Variants in ZNF469 observed in about 807,000 individuals in gnomAD.
ZNF469 encodes zinc finger protein 469.
A neutral mutation model predicts 1.0 loss-of-function variants in ZNF469; 1 was observed. The observed-to-expected ratio is 1.00, with a 90% confidence interval of 0.35 to 4.73. ZNF469 has a LOEUF of 4.73. Ranked by LOEUF, ZNF469 falls within the 30% of genes most tolerant of loss-of-function variation. The pLI is 0.16. For synonymous variants in ZNF469, 2,703 were observed against 2,363.4 expected (o/e 1.14, Z -4.17); for missense variants, 6,100 against 5,356.3 (o/e 1.14, Z -4.33).
At chr16:88,133,176 A>T in the ZNF469 span, among the ~76,000 whole-genome samples, 2 of 152,246 alleles carry the variant, frequency 1.3e-5, no homozygotes, top group African/African-American at 4.8e-5. Context: ...TCACTCGGGA[A>T]GGCGGGCACT....
the ZNF469 span, among the ~76,000 whole-genome samples, chr16:88,126,026 TA>T: frequency 6.6e-6 from 1 of 151,394 alleles, no homozygotes; most frequent in South Asian, 2.1e-4. Flanking sequence ...CCGTCTTTAC[TA>T]AAATATAAAA....
At position 88,424,565 on chromosome 16, in the gene ZNF469, C is replaced by A. The variant is rs976632310; in HGVS notation, c.-191-242C>A. 2.0e-5 allele frequency among the ~76,000 whole-genome samples: 3 copies of A among 152,196 alleles called. No homozygotes were observed. Among genetic ancestry groups the A allele is most frequent in the Non-Finnish European group, 4.4e-5 (3 of 68,020 alleles). On this transcript the variant is annotated intron_variant, in intron 1 of 2. Transcript: ENST00000565624. The surrounding 1 kb of genome is among the most constrained non-coding windows in gnomAD (Gnocchi z 4.3). ...AAGAGATTTAAGATAGCCGTCAAAG[C>A]TGCAGCTGAGGCAGCCAGGTGACCC...
At chr16:88,112,627 TG>T in the ZNF469 span, among the ~76,000 whole-genome samples, 2 of 152,190 alleles carry the variant, frequency 1.3e-5, no homozygotes, top group African/African-American at 4.8e-5. Flanking sequence ...TTTACTCAGA[TG>T]ATTAGATTCT....
At chr16:88,280,730 G>A in the ZNF469 span, among the ~76,000 whole-genome samples, 3 of 151,650 alleles carry the variant, frequency 2.0e-5, no homozygotes, top group African/African-American at 7.3e-5. Context: ...TCAGTACCAT[G>A]TTGATTTTGT....
the ZNF469 span, among the ~76,000 whole-genome samples, chr16:88,165,313 G>A: frequency 4.6e-5 from 7 of 152,378 alleles, no homozygotes; most frequent in Admixed American, 2.0e-4. Flanking sequence ...CCGGGTAGCC[G>A]AGGCTTCTCT....
chr16:88,354,783 C>A, the ZNF469 span, among the ~76,000 whole-genome samples: 2 of 152,214 alleles, frequency 1.3e-5, no homozygotes, highest in Non-Finnish European at 2.9e-5. Flanking sequence ...GTAAACAGGG[C>A]TTCCTTTTAC....
the ZNF469 span, among the ~76,000 whole-genome samples, chr16:88,123,313 C>T: frequency 2.0e-5 from 3 of 152,188 alleles, no homozygotes; most frequent in African/African-American, 2.4e-5. Flanking sequence ...GAGGTTTATC[C>T]ATGCAGTGTT....
the ZNF469 span, among the ~76,000 whole-genome samples, chr16:88,290,453 A>T: frequency 6.6e-6 from 1 of 152,160 alleles, no homozygotes; most frequent in African/African-American, 2.4e-5. Flanking sequence ...TCCCTGTCAC[A>T]GTTGGGCCAT....
At chr16:88,125,222 C>T in the ZNF469 span, among the ~76,000 whole-genome samples, 28 of 152,350 alleles carry the variant, frequency 1.8e-4, no homozygotes, top group South Asian at 5.4e-3. Flanking sequence ...CATTGATCTA[C>T]ACATCTATCT....
At chr16:88,261,436 C>G in the ZNF469 span, among the ~76,000 whole-genome samples, 1 of 152,142 alleles carries the variant, frequency 6.6e-6, no homozygotes, top group Non-Finnish European at 1.5e-5. This position sits in a 1 kb window ranked among gnomAD's most constrained non-coding sequence, Gnocchi z 6.0. Flanking sequence ...GTCATGCCCC[C>G]CGCTGAGGAA....
the ZNF469 span, among the ~76,000 whole-genome samples, chr16:88,205,047 C>T: frequency 5.3e-5 from 8 of 152,292 alleles, no homozygotes; most frequent in African/African-American, 1.9e-4. This position sits in a 1 kb window ranked among gnomAD's most constrained non-coding sequence, Gnocchi z 4.2. Context: ...CTGCGTCCAT[C>T]GCCATTGTGT....
At chr16:88,412,350 C>T (rs1905194728) in intron 1 of ZNF469, among the ~76,000 whole-genome samples, 1 of 152,078 alleles carries the variant, frequency 6.6e-6, no homozygotes, top group African/African-American at 2.4e-5. Context: ...CCTCGCTTAA[C>T]CTCTCTGAGC....
At chr16:88,398,564 C>T (rs62047070) in intron 1 of ZNF469, among the ~76,000 whole-genome samples, 38,151 of 146,834 alleles carry the variant, frequency 0.26, 5,361 homozygotes, top group African/African-American at 0.4. Context: ...AGAGAATGCG[C>T]GAGCCACAGA....
the ZNF469 span, among the ~76,000 whole-genome samples, chr16:88,126,505 T>C: frequency 6.8e-6 from 1 of 147,566 alleles, no homozygotes; most frequent in South Asian, 2.2e-4. Context: ...TAACTGGATG[T>C]TGAGTTTTGC....
At position 88,429,741 on chromosome 16, in the gene ZNF469, G is replaced by A. The variant is rs1238428946; in HGVS notation, c.2271G>A (p.Leu757=). 6.5e-7 allele frequency: 1 copy of A among 1,544,724 alleles called. No homozygotes were observed. Among genetic ancestry groups the A allele is most frequent in the East Asian group, 2.5e-5 (1 of 40,800 alleles). ...LAHRQFCGLL[L]ARAKDGHQRS... is the part of the protein sequence containing the mutation. ...ACCGGCAGTTCTGTGGCCTGCTCCTGGCCAGGGCCAAGGATGGCCACCAGC... is the reference window on the plus strand; with the variant it reads ...ACCGGCAGTTCTGTGGCCTGCTCCTAGCCAGGGCCAAGGATGGCCACCAGC... Residue 757 remains leucine (L), a synonymous_variant, in exon 3 of 3, where the codon CTG becomes CTA. Coordinates refer to ENST00000565624, the MANE Select transcript of ZNF469 (RefSeq NM_001367624.2).
the ZNF469 span, among the ~76,000 whole-genome samples, chr16:88,285,697 T>C: frequency 6.6e-6 from 1 of 152,190 alleles, no homozygotes; most frequent in Admixed American, 6.5e-5. Flanking sequence ...GTGGGGCCGG[T>C]GGAGAGCAAG....
the ZNF469 span, among the ~76,000 whole-genome samples, chr16:88,324,537 T>G: frequency 6.6e-6 from 1 of 152,220 alleles, no homozygotes; most frequent in African/African-American, 2.4e-5. Flanking sequence ...GGAAAGAATT[T>G]GAAAGCCAGC....
At chr16:88,230,231 C>T in the ZNF469 span, among the ~76,000 whole-genome samples, 1 of 152,254 alleles carries the variant, frequency 6.6e-6, no homozygotes, top group African/African-American at 2.4e-5. Flanking sequence ...ACAGCAGAAC[C>T]ACCCTTCCAC....
chr16:88,105,648 G>T, the ZNF469 span, among the ~76,000 whole-genome samples: 1 of 152,210 alleles, frequency 6.6e-6, no homozygotes, highest in Non-Finnish European at 1.5e-5. Context: ...AGTGAACCCA[G>T]CAACCCCAGG....
Sources: allele counts gnomAD v4.1 joint callset (sites outside exome capture counted in the v4.1 genomes callset), GRCh38; gene constraint gnomAD v4.1.1; non-coding constraint Gnocchi (gnomAD v3.1); transcripts MANE v1.5; gene names NCBI Gene and HGNC (gene_info 2026-07-23, HGNC 2026-07-21).